Variants in MBLAC2 observed in about 807,000 individuals in gnomAD.
MBLAC2 encodes metallo-beta-lactamase domain containing 2.
In MBLAC2, 24 loss-of-function variants were observed where a neutral mutation model predicts 23.3. That is an observed-to-expected ratio of 1.03 (90% confidence interval 0.75 to 1.45). The LOEUF is 1.45. Among genes scored for constraint, MBLAC2 ranks in the 40% most tolerant of loss-of-function variants. MBLAC2 has a pLI of 0.00. For synonymous variants in MBLAC2, 162 were observed against 150.9 expected, an observed-to-expected ratio of 1.07 and a Z score of -0.54; for missense variants, 358 against 370.0, an observed-to-expected ratio of 0.97 and a Z score of 0.27.
intron 1 of MBLAC2, among the ~76,000 whole-genome samples, chr5:90,468,308 C>T (rs1032134546): frequency 2.6e-5 from 4 of 152,124 alleles, no homozygotes; most frequent in Admixed American, 2.6e-4. Context: ...TTAGATTTAT[C>T]TTCTTCCTTG....
chr5:90,464,746 A>G (rs1455966882), intron 1 of MBLAC2, among the ~76,000 whole-genome samples: 1 of 152,240 alleles, frequency 6.6e-6, no homozygotes, highest in Admixed American at 6.5e-5. Context: ...GTGAAAATAA[A>G]TTAATGTAAT....
At chr5:90,470,756 G>GCACGCACA (rs1554037184) in intron 1 of MBLAC2, among the ~76,000 whole-genome samples, 1 of 140,542 alleles carries the variant, frequency 7.1e-6, no homozygotes, top group East Asian at 2.1e-4. Flanking sequence ...TAGCGCGCGC[G>GCACGCACA]CACACACACA....
chr5:90,473,312 CG>C (rs1170014167), intron 1 of MBLAC2: 1 of 231,498 alleles, frequency 4.3e-6, no homozygotes, highest in African/African-American at 2.3e-5. Flanking sequence ...ATCGCATTAG[CG>C]GATTGGAATC....
At chr5:90,469,314 A>G (rs758540063) in intron 1 of MBLAC2, among the ~76,000 whole-genome samples, 117 of 152,106 alleles carry the variant, frequency 7.7e-4, no homozygotes, top group Admixed American at 1.0e-3. Flanking sequence ...CTCTGCATCC[A>G]TTATTCTAAG....
rs756395388 is a variant in MBLAC2, at chr5:90,461,248, T to C, written c.759A>G (p.Ile253Met). The C allele has an allele frequency of 3.7e-5, 59 of 1,614,120 alleles. No homozygotes were observed. Among genetic ancestry groups the C allele is most frequent in the Non-Finnish European group, 4.6e-5 (54 of 1,180,002 alleles). Residue 253 changes from isoleucine to methionine, a missense_variant, in exon 2 of 2, where the codon ATA (isoleucine) becomes ATG (methionine). Coordinates refer to ENST00000316610, the MANE Select transcript of MBLAC2 (RefSeq NM_203406.2). ...LASNYISKAGICHKVSTFAMR... is the reference protein window; with the variant it reads ...LASNYISKAGMCHKVSTFAMR... ...TGGCAAAAGTAGAAACTTTGTGACA[T>C]ATCCCAGCTTTTGAAATATAGTTAG...
intron 1 of MBLAC2, among the ~76,000 whole-genome samples, chr5:90,464,591 CA>C (rs922181364): frequency 1.3e-5 from 2 of 150,390 alleles, no homozygotes; most frequent in Non-Finnish European, 3.0e-5. Flanking sequence ...TCAAACAAAA[CA>C]AAAAAAAGCC....
chr5:90,472,298 A>C (rs1750564282), intron 1 of MBLAC2: 1 of 152,246 alleles, frequency 6.6e-6, no homozygotes, highest in Admixed American at 6.5e-5. Flanking sequence ...CTGCATGGAA[A>C]TGTTACCTCT....
chr5:90,470,985 G>T (rs1750538910), intron 1 of MBLAC2, among the ~76,000 whole-genome samples: 1 of 152,198 alleles, frequency 6.6e-6, no homozygotes, highest in Non-Finnish European at 1.5e-5. Flanking sequence ...TGCCGCCACT[G>T]AGGTACTACT....
rs182788907 is a variant in MBLAC2 at position 90,459,489 on chromosome 5, T to C, written c.*1678A>G. On this transcript the variant is annotated 3_prime_UTR_variant, in exon 2 of 2. Transcript: ENST00000316610. ...CAATGCTTATATCCCTATTCTTGGATTGTTTTGTTTCCAACTCTGACTATC... is the reference window on the plus strand; with the variant it reads ...CAATGCTTATATCCCTATTCTTGGACTGTTTTGTTTCCAACTCTGACTATC... The C allele has an allele frequency of 3.3e-5, 5 of 152,266 alleles. No individual in the cohort carries two copies. The South Asian group carries it at 6.2e-4, about 19-fold the overall frequency. The allele number at this position is 152,266 out of a possible 1,614,324, so 9.4% of individuals were successfully genotyped here.
At chr5:90,468,985 A>G (rs1750500463) in intron 1 of MBLAC2, among the ~76,000 whole-genome samples, 2 of 152,236 alleles carry the variant, frequency 1.3e-5, no homozygotes, top group South Asian at 2.1e-4. Flanking sequence ...AGTCTGAAAG[A>G]GCATAAATAG....
At position 90,459,859 on chromosome 5, in the gene MBLAC2, G is replaced by A. The variant is rs945139076; in HGVS notation, c.*1308C>T. 6.6e-6 allele frequency: 1 copy of A among 152,430 alleles called. No individual in the cohort carries two copies. Among genetic ancestry groups the A allele is most frequent in the Admixed American group, 6.6e-5 (1 of 15,260 alleles). The allele number at this position is 152,430 out of a possible 1,614,324, so 9.4% of individuals were successfully genotyped here. On this transcript the variant is annotated 3_prime_UTR_variant, in exon 2 of 2. Transcript: ENST00000316610. ...GGCATCTGTAGGGTAGAAAAGTTTT[G>A]TAATTTTTCAGAAACCAAAATTGCT...
In MBLAC2 at chr5:90,459,395, G is replaced by A. The variant is rs772462901; in HGVS notation, c.*1772C>T. The A allele has an allele frequency of 1.3e-5, 2 of 152,112 alleles. No homozygotes were observed. Among genetic ancestry groups the A allele is most frequent in the Non-Finnish European group, 2.9e-5 (2 of 67,960 alleles). 9.4% of individuals were successfully genotyped at this position (152,112 alleles called of 1,614,324 possible). A position where few individuals can be genotyped will look rare whatever the true frequency, so the allele number is the denominator to read the frequency against. ...ATTTTTCTCATGCTAAATATGTGAT[G>A]TTTGGAATATACTGGATTCCTGAAA... is the stretch of plus-strand genomic sequence containing the variant. On this transcript the variant is annotated 3_prime_UTR_variant, in exon 2 of 2. Coordinates refer to ENST00000316610, the MANE Select transcript of MBLAC2 (RefSeq NM_203406.2).
intron 1 of MBLAC2, chr5:90,472,431 G>T (rs903503967): frequency 6.8e-6 from 1 of 146,610 alleles, no homozygotes; most frequent in Admixed American, 6.8e-5. Flanking sequence ...ATCTAAATCA[G>T]TTTTTTTTTT....
At chr5:90,468,795 A>G (rs1213367917) in intron 1 of MBLAC2, among the ~76,000 whole-genome samples, 1 of 152,200 alleles carries the variant, frequency 6.6e-6, no homozygotes, top group African/African-American at 2.4e-5. Flanking sequence ...CCATGCAAAT[A>G]TATAGAAATT....
intron 1 of MBLAC2, 104 bp downstream of exon 1, chr5:90,473,735 A>G: frequency 1.7e-6 from 2 of 1,178,606 alleles, no homozygotes; most frequent in Non-Finnish European, 2.5e-6. Context: ...AGGTGCCAAA[A>G]TAATCCCCTT....
At chr5:90,467,745 T>TGG (rs1013371884) in intron 1 of MBLAC2, among the ~76,000 whole-genome samples, 6 of 87,810 alleles carry the variant, frequency 6.8e-5, no homozygotes, top group African/African-American at 2.7e-4. Flanking sequence ...CTTCTTTTTT[T>TGG]GGGGGGGGCG....
intron 1 of MBLAC2, among the ~76,000 whole-genome samples, chr5:90,470,710 A>C (rs893691294): frequency 6.6e-6 from 1 of 151,266 alleles, no homozygotes; most frequent in South Asian, 2.1e-4. Flanking sequence ...GAACACACAC[A>C]CACTCTTTCT....
intron 1 of MBLAC2, among the ~76,000 whole-genome samples, chr5:90,462,515 A>G (rs7700312): frequency 0.032 from 4,894 of 152,234 alleles, 211 homozygotes; most frequent in Admixed American, 0.079. Context: ...GAAAGAAACT[A>G]TAAGACCAAA....
chr5:90,459,153 G>A lies in MBLAC2; in HGVS notation c.*2014C>T, dbSNP rs1168915656. On this transcript the variant is annotated 3_prime_UTR_variant, in exon 2 of 2. Coordinates refer to ENST00000316610, the MANE Select transcript of MBLAC2 (RefSeq NM_203406.2). ...AAGGCTTAGTAAGTGATTATTTGTA[G>A]TTGCCCTGAACCAAATCATTATTCT... The A allele has an allele frequency of 6.6e-6, 1 of 152,460 alleles. No individual in the cohort carries two copies. Among genetic ancestry groups the A allele is most frequent in the Non-Finnish European group, 1.5e-5 (1 of 67,980 alleles). The allele number at this position is 152,460 out of a possible 1,614,324, so 9.4% of individuals were successfully genotyped here. A position where few individuals can be genotyped will look rare whatever the true frequency, so the allele number is the denominator to read the frequency against.
Sources: gnomAD v4.1 joint callset for allele counts (sites outside exome capture counted in the v4.1 genomes callset) on GRCh38, gnomAD v4.1.1 for gene constraint, MANE v1.5 for transcripts, NCBI Gene and HGNC (gene_info 2026-07-23, HGNC 2026-07-21) for gene names.